AVEN: variants seen among roughly 807,000 people sequenced by gnomAD.
The protein encoded by AVEN is cell death regulator Aven.
AVEN carries 41 observed loss-of-function variants against 38.1 expected under a neutral mutation model. That is an observed-to-expected ratio of 1.08 (90% CI 0.84 to 1.40). The LOEUF (loss-of-function observed/expected upper bound fraction) is 1.40. AVEN is among the 40% of genes most tolerant of loss of function. The pLI, the probability that AVEN is intolerant of heterozygous loss-of-function variation, is 0.00. For missense variants in AVEN, 605 were observed against 438.8 expected (o/e 1.38, Z -3.38); for synonymous variants, 206 against 171.8 (o/e 1.20, Z -1.56).
chr15:33,870,670 G>C (rs567486584), intron 4 of AVEN, among the ~76,000 whole-genome samples: 1 of 152,234 alleles, frequency 6.6e-6, no homozygotes, highest in Admixed American at 6.5e-5. Flanking sequence ...AATATTTTGA[G>C]TAAAATAGCC....
intron 2 of AVEN, among the ~76,000 whole-genome samples, chr15:33,981,224 G>A (rs542954462): frequency 2.4e-4 from 36 of 152,200 alleles, no homozygotes; most frequent in African/African-American, 6.0e-4. Flanking sequence ...AATATGAAGC[G>A]GATGAATTTC....
the AVEN span, chr15:33,852,457 C>G: frequency 6.5e-6 from 1 of 154,200 alleles, no homozygotes; most frequent in Admixed American, 6.3e-5. Context: ...AGAAAGGGAT[C>G]CAACTCCTGG....
chr15:33,952,722 C>T (rs1184099636), intron 2 of AVEN, among the ~76,000 whole-genome samples: 3 of 152,014 alleles, frequency 2.0e-5, no homozygotes, highest in Admixed American at 2.0e-4. Flanking sequence ...CTGAGGAAAA[C>T]AGCATGGACA....
At chr15:34,030,409 A>G (rs1204573790) in intron 1 of AVEN, among the ~76,000 whole-genome samples, 3 of 151,580 alleles carry the variant, frequency 2.0e-5, no homozygotes, top group South Asian at 2.1e-4. Context: ...GCAGTGGCGC[A>G]ATCTCGCTTC....
chr15:33,966,025 C>T (rs1467637277), intron 2 of AVEN, among the ~76,000 whole-genome samples: 1 of 152,104 alleles, frequency 6.6e-6, no homozygotes, highest in African/African-American at 2.4e-5. Flanking sequence ...CTGTACAGGC[C>T]AGTACTTAAG....
chr15:34,025,289 G>C (rs1434296349), intron 1 of AVEN, among the ~76,000 whole-genome samples: 1 of 152,192 alleles, frequency 6.6e-6, no homozygotes, highest in Non-Finnish European at 1.5e-5. Flanking sequence ...AACCAACTCT[G>C]GCTAATTTAG....
Position 33,936,368 on chromosome 15 carries a change from C to T in AVEN, c.446-60373G>A, listed in dbSNP as rs145942809. On this transcript the variant is annotated intron_variant, in intron 2 of 5. Transcript: ENST00000306730. ...ATGTGTTCCTCTGATGACTAGAAAG[C>T]ATAATTGATAAGCAATCCTTGCGTT... is the stretch of plus-strand genomic sequence containing the variant. 1.0e-3 allele frequency among the ~76,000 whole-genome samples: 154 copies of T among 152,210 alleles called. 1 individual carries two copies. The highest frequency in any genetic ancestry group is 3.5e-3 in the African/African-American group (147 of 41,530).
intron 3 of AVEN, among the ~76,000 whole-genome samples, chr15:33,874,715 C>T (rs1891148611): frequency 6.6e-6 from 1 of 152,200 alleles, no homozygotes; most frequent in Non-Finnish European, 1.5e-5. Flanking sequence ...TGGTCTGTCT[C>T]ATTCACTTTG....
At chr15:33,944,809 GAA>G (rs530925637) in intron 2 of AVEN, among the ~76,000 whole-genome samples, 1 of 134,168 alleles carries the variant, frequency 7.5e-6, no homozygotes. Context: ...ACTCAGTCTC[GAA>G]AAAAAAAAAA....
At chr15:33,913,335 T>C (rs1012567967) in intron 2 of AVEN, among the ~76,000 whole-genome samples, 1 of 152,232 alleles carries the variant, frequency 6.6e-6, no homozygotes, top group African/African-American at 2.4e-5. Flanking sequence ...GGAGTAGATA[T>C]ATACATACAG....
intron 1 of AVEN, among the ~76,000 whole-genome samples, chr15:34,026,522 T>G (rs1898479651): frequency 6.6e-6 from 1 of 152,168 alleles, no homozygotes; most frequent in South Asian, 2.1e-4. Context: ...GGAGGTAATG[T>G]GTGTCAATCA....
At chr15:33,921,608 T>C (rs1370538273) in intron 2 of AVEN, among the ~76,000 whole-genome samples, 1 of 152,152 alleles carries the variant, frequency 6.6e-6, no homozygotes, top group African/African-American at 2.4e-5. Flanking sequence ...TGCCTTGAGA[T>C]GGTGGGATAA....
chr15:34,013,896 T>TA (rs1897747527), intron 1 of AVEN, among the ~76,000 whole-genome samples: 1 of 152,124 alleles, frequency 6.6e-6, no homozygotes, highest in Non-Finnish European at 1.5e-5. Flanking sequence ...GAGATGAGCC[T>TA]ACTGAAGGAA....
intron 2 of AVEN, among the ~76,000 whole-genome samples, chr15:33,940,204 AT>A (rs1894260232): frequency 6.6e-6 from 1 of 152,224 alleles, no homozygotes; most frequent in South Asian, 2.1e-4. Context: ...TGTTAAACAG[AT>A]GGGGAAAGTG....
chr15:33,944,448 CAA>C (rs1264908400), intron 2 of AVEN, among the ~76,000 whole-genome samples: 2 of 152,140 alleles, frequency 1.3e-5, no homozygotes, highest in African/African-American at 4.8e-5. Flanking sequence ...TTTCTCTGGA[CAA>C]AGTTTCCATG....
At chr15:33,891,534 T>C (rs1891966871) in intron 2 of AVEN, among the ~76,000 whole-genome samples, 1 of 152,176 alleles carries the variant, frequency 6.6e-6, no homozygotes, top group African/African-American at 2.4e-5. Flanking sequence ...TCCAGCTTCA[T>C]TCATGTCCCT....
chr15:33,896,553 G>T (rs919574263), intron 2 of AVEN, among the ~76,000 whole-genome samples: 5 of 152,182 alleles, frequency 3.3e-5, no homozygotes, highest in Non-Finnish European at 7.3e-5. Context: ...GTCCTCATTT[G>T]ATGTGTTTAA....
At chr15:33,996,457 G>T (rs935525975) in intron 2 of AVEN, among the ~76,000 whole-genome samples, 2 of 152,168 alleles carry the variant, frequency 1.3e-5, no homozygotes, top group Non-Finnish European at 2.9e-5. Flanking sequence ...ATACAGGCGG[G>T]TGCCCCTCTG....
intron 2 of AVEN, among the ~76,000 whole-genome samples, chr15:33,894,834 A>G (rs1368281040): frequency 4.1e-5 from 2 of 49,040 alleles, no homozygotes; most frequent in African/African-American, 8.3e-5. Context: ...AATAACAATA[A>G]TAATAATAAT....
Sources: allele counts gnomAD v4.1 joint callset (sites outside exome capture counted in the v4.1 genomes callset), GRCh38; gene constraint gnomAD v4.1.1; transcripts MANE v1.5; gene names NCBI Gene and HGNC (gene_info 2026-07-23, HGNC 2026-07-21).